LRFN2: variants seen among roughly 807,000 people sequenced by gnomAD.
LRFN2 encodes the protein leucine rich repeat and fibronectin type III domain containing 2, also known as leucine-rich repeat and fibronectin type-III domain-containing protein 2.
In LRFN2, 18 loss-of-function variants were observed where a neutral mutation model predicts 37.3. The observed-to-expected ratio is 0.48, with a 90% CI of 0.33 to 0.72. The LOEUF (loss-of-function observed/expected upper bound fraction) is 0.72. Ranked by LOEUF, LRFN2 falls within the 30% of genes least tolerant of loss-of-function variation. The probability of loss-of-function intolerance (pLI) is 0.02; values close to 1 mark genes in which losing one functional copy is unlikely to be tolerated. For synonymous variants in LRFN2, 556 were observed against 466.6 expected (o/e 1.19, Z -2.47); for missense variants, 1,006 against 1,060.7 (o/e 0.95, Z 0.72).
At chr6:40,583,238 A>C (rs1767439293) in intron 1 of LRFN2, among the ~76,000 whole-genome samples, 1 of 151,752 alleles carries the variant, frequency 6.6e-6, no homozygotes, top group Non-Finnish European at 1.5e-5. Context: ...GTATATATAC[A>C]CATATAGTAT....
chr6:40,568,534 G>A (rs1767131211), intron 1 of LRFN2, among the ~76,000 whole-genome samples: 1 of 152,198 alleles, frequency 6.6e-6, no homozygotes, highest in Non-Finnish European at 1.5e-5. Context: ...AAGATCCTAC[G>A]TGTGCTCTGT....
chr6:40,391,769 G>T lies in LRFN2; in HGVS notation c.*174C>A, dbSNP rs1035782986. ...TCCCTGAGCACACCCCGGCCGGGTG[G>T]TGGGGAGGTGATGTGGGTGTTGCGG... On this transcript the variant is annotated 3_prime_UTR_variant, in exon 3 of 3. Coordinates refer to ENST00000338305, the MANE Select transcript of LRFN2 (RefSeq NM_020737.3). 12 of 563,454 alleles carry T rather than the reference G, an allele frequency of 2.1e-5. No homozygotes were observed. Among genetic ancestry groups the T allele is most frequent in the Non-Finnish European group, 3.2e-5 (11 of 348,278 alleles). The allele number at this position is 563,454 out of a possible 1,614,324, so 34.9% of individuals were successfully genotyped here. A position where few individuals can be genotyped will look rare whatever the true frequency, so the allele number is the denominator to read the frequency against.
At chr6:40,540,782 G>A (rs77261178) in intron 1 of LRFN2, among the ~76,000 whole-genome samples, 2,982 of 152,240 alleles carry the variant, frequency 0.02, 78 homozygotes, top group African/African-American at 0.066. Flanking sequence ...CACACACCAC[G>A]GCCCCCAGAT....
intron 1 of LRFN2, among the ~76,000 whole-genome samples, chr6:40,549,368 C>T (rs1354328667): frequency 6.6e-6 from 1 of 152,162 alleles, no homozygotes; most frequent in African/African-American, 2.4e-5. Context: ...GGTTAAACTG[C>T]TGCTTCATTT....
intron 2 of LRFN2, among the ~76,000 whole-genome samples, chr6:40,411,135 C>A (rs1762956242): frequency 6.6e-6 from 1 of 152,144 alleles, no homozygotes; most frequent in African/African-American, 2.4e-5. Context: ...CTCTCCAGCA[C>A]TGTTTATTGA....
At chr6:40,417,167 G>A (rs932115163) in intron 2 of LRFN2, among the ~76,000 whole-genome samples, 2 of 152,212 alleles carry the variant, frequency 1.3e-5, no homozygotes, top group Non-Finnish European at 2.9e-5. Context: ...AAGCTTGAGG[G>A]AGGAGAGCAA....
At chr6:40,477,386 T>C (rs1304882410) in intron 1 of LRFN2, among the ~76,000 whole-genome samples, 1 of 152,226 alleles carries the variant, frequency 6.6e-6, no homozygotes, top group African/African-American at 2.4e-5. Flanking sequence ...GACACCTGGC[T>C]GCCTGCTTTC....
chr6:40,557,268 C>A (rs977352265), intron 1 of LRFN2, among the ~76,000 whole-genome samples: 5 of 152,190 alleles, frequency 3.3e-5, no homozygotes, highest in African/African-American at 9.7e-5. Context: ...GGCCCCAAGG[C>A]ACCGACATCT....
At position 40,435,052 on chromosome 6, in the gene LRFN2, TAGAGAGAG is replaced by T. The variant is rs1202054790; in HGVS notation, c.-18-1929_-18-1922del. Among the ~76,000 whole-genome samples, 260 of 37,480 alleles carry T rather than the reference TAGAGAGAG, an allele frequency of 6.9e-3. 2 individuals carry two copies. The highest frequency in any genetic ancestry group is 9.2e-3 in the Non-Finnish European group (187 of 20,316). 24.6% of individuals were successfully genotyped at this position (37,480 alleles called of 152,430 possible). On this transcript the variant is annotated intron_variant, in intron 1 of 2. Transcript: ENST00000338305. ...ATATATATATATATATATATATATA[TAGAGAGAG>T]AGAGAGAGAGAGAGAGAGAGAGAGA...
rs976588120 is a variant in LRFN2, at chr6:40,541,738, T to C, written c.-19+45203A>G. Among the ~76,000 whole-genome samples the C allele has an allele frequency of 2.0e-5, 3 of 152,206 alleles. No individual in the cohort carries two copies. In the South Asian group the frequency reaches 6.2e-4, roughly 31 times the overall value. ...AGGTCACAGCTGCCGCCCGTGGGAATGTTCTCACTTGCAGAAGATGCAGGG... is the reference window on the plus strand; with the variant it reads ...AGGTCACAGCTGCCGCCCGTGGGAACGTTCTCACTTGCAGAAGATGCAGGG... On this transcript the variant is annotated intron_variant, in intron 1 of 2. Coordinates refer to ENST00000338305, the MANE Select transcript of LRFN2 (RefSeq NM_020737.3).
chr6:40,446,701 C>G (rs554260097), intron 1 of LRFN2, among the ~76,000 whole-genome samples: 10 of 152,250 alleles, frequency 6.6e-5, no homozygotes, highest in Non-Finnish European at 1.0e-4. Flanking sequence ...ACAGTCTGCA[C>G]AGAGGAAGAC....
At chr6:40,412,141 G>T (rs1363509054) in intron 2 of LRFN2, among the ~76,000 whole-genome samples, 1 of 152,086 alleles carries the variant, frequency 6.6e-6, no homozygotes, top group Non-Finnish European at 1.5e-5. Flanking sequence ...CTCCACTGCA[G>T]CCTGGAAGTG....
chr6:40,586,001 G>A (rs775138941), intron 1 of LRFN2, among the ~76,000 whole-genome samples: 3 of 152,092 alleles, frequency 2.0e-5, no homozygotes, highest in African/African-American at 4.8e-5. Flanking sequence ...GTCTGCTGTC[G>A]CCGGGTGCAT....
At chr6:40,413,730 C>T (rs1357963708) in intron 2 of LRFN2, among the ~76,000 whole-genome samples, 6 of 152,192 alleles carry the variant, frequency 3.9e-5, no homozygotes, top group Admixed American at 6.5e-5. Flanking sequence ...GCCTTCAAAG[C>T]AGCCGTGGCT....
chr6:40,496,837 C>G (rs745383448), intron 1 of LRFN2, among the ~76,000 whole-genome samples: 14 of 152,144 alleles, frequency 9.2e-5, no homozygotes, highest in Non-Finnish European at 1.8e-4. Context: ...CCCAGCATTT[C>G]AAAAGCACCT....
chr6:40,486,298 C>T (rs1053229367), intron 1 of LRFN2, among the ~76,000 whole-genome samples: 2 of 152,106 alleles, frequency 1.3e-5, no homozygotes, highest in African/African-American at 4.8e-5. Context: ...AGTGGGAATA[C>T]AACAGCCACC....
intron 1 of LRFN2, among the ~76,000 whole-genome samples, chr6:40,454,505 T>G (rs1241631910): frequency 6.6e-6 from 1 of 152,162 alleles, no homozygotes; most frequent in African/African-American, 2.4e-5. Context: ...GGAAGTTTTA[T>G]AGGGTCATGC....
At chr6:40,480,569 C>T (rs1233258379) in intron 1 of LRFN2, among the ~76,000 whole-genome samples, 1 of 152,144 alleles carries the variant, frequency 6.6e-6, no homozygotes, top group Non-Finnish European at 1.5e-5. Context: ...TGAGCCACCA[C>T]ACCCAATGGA....
intron 2 of LRFN2, among the ~76,000 whole-genome samples, chr6:40,407,692 C>T (rs1487221884): frequency 6.6e-6 from 1 of 152,176 alleles, no homozygotes; most frequent in East Asian, 1.9e-4. Flanking sequence ...GATTCCCCAC[C>T]AGCTGTGCCC....
Sources: allele counts gnomAD v4.1 joint callset (sites outside exome capture counted in the v4.1 genomes callset), GRCh38; gene constraint gnomAD v4.1.1; transcripts MANE v1.5; gene names NCBI Gene and HGNC (gene_info 2026-07-23, HGNC 2026-07-21).